FSTL4: variants seen among roughly 807,000 people sequenced by gnomAD.
FSTL4 encodes the protein follistatin like 4.
Under a neutral mutation model 78.2 loss-of-function variants are expected in FSTL4, and 28 were observed. The observed-to-expected ratio is 0.36, with a 90% CI of 0.27 to 0.49. The LOEUF is 0.49. Among genes scored for constraint, FSTL4 ranks in the 20% least tolerant of loss-of-function variants. FSTL4 has a pLI of 0.98. For missense variants in FSTL4, 922 were observed against 1,084.9 expected (o/e 0.85, Z 2.11); for synonymous variants, 422 against 440.5 (o/e 0.96, Z 0.53).
At chr5:133,616,557 A>G (rs975145454), upstream of FSTL4, among the ~76,000 whole-genome samples, 1 of 151,798 alleles carries the variant, frequency 6.6e-6, no homozygotes, top group Non-Finnish European at 1.5e-5. Flanking sequence ...ATGCACTACC[A>G]TACCCAGGTA....
At chr5:133,249,063 G>A (rs1479200968) in intron 7 of FSTL4, among the ~76,000 whole-genome samples, 1 of 152,174 alleles carries the variant, frequency 6.6e-6, no homozygotes, top group Non-Finnish European at 1.5e-5. Flanking sequence ...TCTCTCTGCT[G>A]GCCTGTGGTC....
chr5:133,256,546 A>G (rs1480743152), intron 6 of FSTL4: 2 of 152,286 alleles, frequency 1.3e-5, no homozygotes, highest in African/African-American at 4.8e-5. Context: ...GGTGGGAGGG[A>G]TGGTGTGCTT....
chr5:133,662,722 A>G, the FSTL4 span, among the ~76,000 whole-genome samples: 1 of 152,154 alleles, frequency 6.6e-6, no homozygotes, highest in Non-Finnish European at 1.5e-5. Flanking sequence ...GGAGCTCCCC[A>G]GGGCTGTGCT....
chr5:133,774,452 G>GC, the FSTL4 span, among the ~76,000 whole-genome samples: 15 of 152,108 alleles, frequency 9.9e-5, no homozygotes. Flanking sequence ...ACACAGGATA[G>GC]CCCCCCATAA....
chr5:133,221,678 T>C (rs1318668502), intron 11 of FSTL4, among the ~76,000 whole-genome samples: 2 of 152,168 alleles, frequency 1.3e-5, no homozygotes, highest in Non-Finnish European at 2.9e-5. Context: ...TTCTGGCCTC[T>C]GTCCCTCATT....
At chr5:133,393,125 A>G (rs1755896339) in intron 4 of FSTL4, among the ~76,000 whole-genome samples, 1 of 152,208 alleles carries the variant, frequency 6.6e-6, no homozygotes, top group East Asian at 1.9e-4. Context: ...GGGATGCTGG[A>G]CTACGGGGCT....
intron 4 of FSTL4, among the ~76,000 whole-genome samples, chr5:133,337,817 G>A (rs1754498019): frequency 6.6e-6 from 1 of 152,238 alleles, no homozygotes; most frequent in Non-Finnish European, 1.5e-5. Context: ...ATAAGAGCTG[G>A]AGAAGCATCT....
chr5:133,517,634 A>G (rs1468901966), intron 3 of FSTL4, among the ~76,000 whole-genome samples: 4 of 128,792 alleles, frequency 3.1e-5, no homozygotes, highest in East Asian at 2.4e-4. Flanking sequence ...GTGTGTGTGT[A>G]GGGTGATTGA....
At chr5:133,474,468 C>A (rs111227541) in intron 3 of FSTL4, among the ~76,000 whole-genome samples, 97 of 152,214 alleles carry the variant, frequency 6.4e-4, no homozygotes, top group African/African-American at 2.3e-3. Flanking sequence ...AATGCACAGG[C>A]CAGTGGAAAA....
chr5:133,210,525 T>C (rs931396434), intron 13 of FSTL4, among the ~76,000 whole-genome samples: 3 of 151,920 alleles, frequency 2.0e-5, no homozygotes, highest in Non-Finnish European at 4.4e-5. Flanking sequence ...GGAGTCTTGC[T>C]CTTGTTGCCC....
the FSTL4 span, among the ~76,000 whole-genome samples, chr5:133,652,631 T>A: frequency 6.6e-6 from 1 of 152,230 alleles, no homozygotes; most frequent in Non-Finnish European, 1.5e-5. Context: ...AGACATTGTA[T>A]GATTCCCATT....
At chr5:133,837,040 C>A in the FSTL4 span, among the ~76,000 whole-genome samples, 1 of 152,068 alleles carries the variant, frequency 6.6e-6, no homozygotes, top group Non-Finnish European at 1.5e-5. Flanking sequence ...ATGGCTTCTA[C>A]CCCTCCCTAA....
chr5:133,485,396 T>C (rs996951969), intron 3 of FSTL4, among the ~76,000 whole-genome samples: 2 of 152,200 alleles, frequency 1.3e-5, no homozygotes, highest in Non-Finnish European at 2.9e-5. Flanking sequence ...CAGACCTTGC[T>C]GGTTCAGGCT....
At chr5:133,731,238 G>A in the FSTL4 span, among the ~76,000 whole-genome samples, 3 of 152,198 alleles carry the variant, frequency 2.0e-5, no homozygotes, top group South Asian at 2.1e-4. Context: ...TAACCCATTC[G>A]TACTGTGGTC....
chr5:133,624,713 G>T, the FSTL4 span, among the ~76,000 whole-genome samples: 1 of 151,462 alleles, frequency 6.6e-6, no homozygotes, highest in East Asian at 1.9e-4. Flanking sequence ...GATTTCTATA[G>T]TTATGTCTTG....
At chr5:133,396,178 C>T (rs547724466) in intron 4 of FSTL4, among the ~76,000 whole-genome samples, 1 of 152,356 alleles carries the variant, frequency 6.6e-6, no homozygotes, top group South Asian at 2.1e-4. Flanking sequence ...CAGCTTGTTG[C>T]ATCTGCTCCT....
intron 3 of FSTL4, among the ~76,000 whole-genome samples, chr5:133,463,106 G>T (rs926099461): frequency 6.6e-6 from 1 of 152,178 alleles, no homozygotes; most frequent in Non-Finnish European, 1.5e-5. Context: ...ATCACGGCAG[G>T]CCCAAGGCCA....
intron 4 of FSTL4, among the ~76,000 whole-genome samples, chr5:133,353,815 TG>T (rs2126928567): frequency 6.6e-6 from 1 of 152,332 alleles, no homozygotes; most frequent in South Asian, 2.1e-4. Flanking sequence ...CACGGGCCTC[TG>T]GGTTGCAGTG....
chr5:133,242,086 C>T (rs141616397), intron 7 of FSTL4, among the ~76,000 whole-genome samples: 11 of 152,292 alleles, frequency 7.2e-5, no homozygotes, highest in African/African-American at 2.4e-4. Flanking sequence ...GCATCACTTC[C>T]GAGAACTTAT....
Sources: allele counts gnomAD v4.1 joint callset (sites outside exome capture counted in the v4.1 genomes callset), GRCh38; gene constraint gnomAD v4.1.1; transcripts MANE v1.5; gene names NCBI Gene and HGNC (gene_info 2026-07-23, HGNC 2026-07-21).